LOC128462377: variants seen among roughly 807,000 people sequenced by gnomAD.
At chr16:89,374,193 C>T in the LOC128462377 span, among the ~76,000 whole-genome samples, 14 of 152,284 alleles carry the variant, frequency 9.2e-5, 1 homozygote, top group African/African-American at 3.1e-4. Context: ...TTTTTAAAAA[C>T]ATTAATATCA....
chr16:89,334,882 G>A, the LOC128462377 span, among the ~76,000 whole-genome samples: 6 of 152,120 alleles, frequency 3.9e-5, no homozygotes, highest in Non-Finnish European at 1.5e-5. Flanking sequence ...AGCCAGACAC[G>A]AGTGTGTCTG....
chr16:89,332,600 A>G, the LOC128462377 span, among the ~76,000 whole-genome samples: 2 of 152,242 alleles, frequency 1.3e-5, no homozygotes, highest in Non-Finnish European at 2.9e-5. Context: ...TTAAATGAAA[A>G]AGCACTATCT....
At chr16:89,327,191 C>A in the LOC128462377 span, among the ~76,000 whole-genome samples, 1 of 152,148 alleles carries the variant, frequency 6.6e-6, no homozygotes, top group Non-Finnish European at 1.5e-5. Flanking sequence ...TCAACGTCAC[C>A]CAGCATGCCA....
At chr16:89,375,835 C>A in the LOC128462377 span, among the ~76,000 whole-genome samples, 1 of 149,638 alleles carries the variant, frequency 6.7e-6, no homozygotes, top group African/African-American at 2.5e-5. Context: ...TACTCAATAC[C>A]ATAAACCCTA....
the LOC128462377 span, among the ~76,000 whole-genome samples, chr16:89,344,856 T>C: frequency 6.6e-6 from 1 of 152,180 alleles, no homozygotes; most frequent in Non-Finnish European, 1.5e-5. Context: ...CCTTCCAAGT[T>C]TTCTCTTCAT....
the LOC128462377 span, among the ~76,000 whole-genome samples, chr16:89,416,561 G>A: frequency 1.3e-5 from 2 of 152,134 alleles, no homozygotes; most frequent in Non-Finnish European, 1.5e-5. Context: ...ACATCTCAAA[G>A]TGCTGGGATT....
the LOC128462377 span, among the ~76,000 whole-genome samples, chr16:89,387,431 G>A: frequency 6.6e-6 from 1 of 151,988 alleles, no homozygotes; most frequent in African/African-American, 2.4e-5. Flanking sequence ...CCAGCACTTT[G>A]GGAGGCTGAG....
chr16:89,332,876 T>C, the LOC128462377 span, among the ~76,000 whole-genome samples: 1 of 152,222 alleles, frequency 6.6e-6, no homozygotes, highest in Non-Finnish European at 1.5e-5. Flanking sequence ...TATTACTCCT[T>C]AGGGCTGCTT....
chr16:89,415,614 G>A, the LOC128462377 span, among the ~76,000 whole-genome samples: 1 of 151,188 alleles, frequency 6.6e-6, no homozygotes, highest in East Asian at 1.9e-4. Flanking sequence ...AAACAATGGA[G>A]AACAGGCATT....
the LOC128462377 span, among the ~76,000 whole-genome samples, chr16:89,415,836 A>AAAAAAAAAAAAAAAAAAC: frequency 4.3e-5 from 6 of 141,098 alleles, no homozygotes; most frequent in African/African-American, 1.6e-4. Context: ...TCTCAAAAAA[A>AAAAAAAAAAAAAAAAAAC]AAAAAAAAAA....
the LOC128462377 span, among the ~76,000 whole-genome samples, chr16:89,388,723 G>A: frequency 1.3e-5 from 2 of 152,154 alleles, no homozygotes; most frequent in African/African-American, 4.8e-5. Context: ...AAGAAGAGCC[G>A]GCAGGTCCCG....
chr16:89,324,402 A>G, the LOC128462377 span: 1 of 546,594 alleles, frequency 1.8e-6, no homozygotes, highest in South Asian at 1.5e-5. Context: ...CAGCTTCGTT[A>G]GTCATCAAGA....
At chr16:89,324,707 G>C in the LOC128462377 span, 1 of 333,542 alleles carries the variant, frequency 3.0e-6, no homozygotes, top group Non-Finnish European at 5.9e-6. Flanking sequence ...AAGTGCTTCA[G>C]CTTTTGGGTT....
chr16:89,380,529 G>T, the LOC128462377 span, among the ~76,000 whole-genome samples: 1 of 150,392 alleles, frequency 6.6e-6, no homozygotes, highest in East Asian at 2.0e-4. Context: ...CATAAGAAAC[G>T]GGACACAGGG....
At chr16:89,341,552 G>C in the LOC128462377 span, among the ~76,000 whole-genome samples, 1 of 152,154 alleles carries the variant, frequency 6.6e-6, no homozygotes, top group Non-Finnish European at 1.5e-5. Context: ...GCTGTAAATA[G>C]AGGATAATGG....
chr16:89,418,139 A>G, the LOC128462377 span: 1 of 390,932 alleles, frequency 2.6e-6, no homozygotes, highest in South Asian at 1.9e-5. Context: ...CTCTAAGTGA[A>G]ATCCAGAACA....
the LOC128462377 span, among the ~76,000 whole-genome samples, chr16:89,382,375 GA>G: frequency 1.3e-5 from 2 of 151,992 alleles, no homozygotes; most frequent in African/African-American, 2.4e-5. Flanking sequence ...ACCCAGGCTG[GA>G]GGGCAATGGT....
the LOC128462377 span, among the ~76,000 whole-genome samples, chr16:89,352,725 G>A: frequency 6.6e-6 from 1 of 152,216 alleles, no homozygotes; most frequent in African/African-American, 2.4e-5. Context: ...AGCTGGGTGA[G>A]TCCCGCTTGC....
chr16:89,334,761 T>C, the LOC128462377 span, among the ~76,000 whole-genome samples: 1 of 151,818 alleles, frequency 6.6e-6, no homozygotes, highest in African/African-American at 2.4e-5. Context: ...CAAAACACCC[T>C]CAAACTGCAA....
Sources: gnomAD v4.1 joint callset for allele counts (sites outside exome capture counted in the v4.1 genomes callset) on GRCh38, gnomAD v4.1.1 for gene constraint, MANE v1.5 for transcripts.